Variants in CIB1 observed in about 807,000 individuals in gnomAD.
CIB1 encodes calcium and integrin-binding protein 1.
CIB1 carries 19 observed loss-of-function variants against 25.0 expected under a neutral mutation model. The ratio of observed to expected loss-of-function variants is 0.76; its 90% confidence interval spans 0.53 to 1.12. The LOEUF (loss-of-function observed/expected upper bound fraction) is 1.12, where lower values mean the gene tolerates loss of function less well. Among genes scored for constraint, CIB1 ranks in the 50% most tolerant of loss-of-function variants. The probability of loss-of-function intolerance (pLI) is 0.00; values close to 1 mark genes in which losing one functional copy is unlikely to be tolerated. For synonymous variants in CIB1, 104 were observed against 98.5 expected, an observed-to-expected ratio of 1.06 and a Z score of -0.33; for missense variants, 236 against 242.6, an observed-to-expected ratio of 0.97 and a Z score of 0.18.
the CIB1 span, chr15:90,251,521 C>A: frequency 6.2e-7 from 1 of 1,604,586 alleles, no homozygotes; most frequent in Non-Finnish European, 8.5e-7. Context: ...TTCCCTCCCA[C>A]TCTTCCTGAT....
chr15:90,263,190 C>T, the CIB1 span: 3 of 1,463,376 alleles, frequency 2.1e-6, no homozygotes, highest in Admixed American at 2.5e-5. Context: ...GGAACAAGGG[C>T]TGTCATTCCA....
the CIB1 span, chr15:90,258,389 G>T: frequency 3.4e-6 from 3 of 883,500 alleles, no homozygotes; most frequent in East Asian, 7.2e-5. Flanking sequence ...AAAGCCCTGG[G>T]GTGGGCAGGA....
chr15:90,241,626 C>G, the CIB1 span: 1 of 1,614,156 alleles, frequency 6.2e-7, no homozygotes, highest in Non-Finnish European at 8.5e-7. Context: ...GCCCCTGGAC[C>G]CTGGAGGCCA....
chr15:90,236,821 C>T (rs1443904343), upstream of CIB1, among the ~76,000 whole-genome samples: 1 of 152,056 alleles, frequency 6.6e-6, no homozygotes, highest in African/African-American at 2.4e-5. Context: ...CACGCCCGGC[C>T]TCTCATGGTA....
the CIB1 span, chr15:90,265,557 A>G: frequency 7.2e-7 from 1 of 1,385,468 alleles, no homozygotes; most frequent in Admixed American, 2.4e-5. Context: ...AGGGTGGGCC[A>G]CTGAGCAGCG....
At chr15:90,250,959 G>C in the CIB1 span, 1 of 1,539,962 alleles carries the variant, frequency 6.5e-7, no homozygotes, top group Non-Finnish European at 8.7e-7. Context: ...TCAACATCTG[G>C]AGGAGCTGGG....
the CIB1 span, among the ~76,000 whole-genome samples, chr15:90,251,114 CT>C: frequency 0.023 from 2,428 of 104,636 alleles, 121 homozygotes; most frequent in African/African-American, 0.079. Flanking sequence ...CCTGGTCTGT[CT>C]TTTTTTTTTT....
At chr15:90,256,635 TTCCTTC>T in the CIB1 span, among the ~76,000 whole-genome samples, 3 of 108,030 alleles carry the variant, frequency 2.8e-5, no homozygotes, top group South Asian at 2.4e-4. Flanking sequence ...CCTTCCTTCC[TTCCTTC>T]TTTCTTTCTC....
the CIB1 span, chr15:90,264,693 T>A: frequency 6.5e-7 from 1 of 1,533,662 alleles, no homozygotes; most frequent in South Asian, 1.2e-5. Context: ...GAATACCAAC[T>A]CAGGGACATC....
At chr15:90,258,891 G>C in the CIB1 span, 2 of 1,614,022 alleles carry the variant, frequency 1.2e-6, no homozygotes, top group African/African-American at 2.7e-5. Context: ...GTCAAGGAAC[G>C]GCTTTTCCAG....
the CIB1 span, among the ~76,000 whole-genome samples, chr15:90,247,848 C>A: frequency 6.6e-6 from 1 of 151,574 alleles, no homozygotes; most frequent in Non-Finnish European, 1.5e-5. Flanking sequence ...CCTGCCTCAG[C>A]CTTCCAAGTA....
At chr15:90,257,108 T>A in the CIB1 span, 10 of 1,601,476 alleles carry the variant, frequency 6.2e-6, no homozygotes, top group East Asian at 2.2e-4. Flanking sequence ...AAAAGTGTTA[T>A]TATTCCCTCA....
the CIB1 span, chr15:90,240,844 A>G: frequency 9.4e-7 from 1 of 1,063,208 alleles, no homozygotes; most frequent in African/African-American, 1.6e-5. Context: ...AAATACAATG[A>G]CAATCTCTGG....
chr15:90,257,545 T>C, the CIB1 span: 5 of 1,216,786 alleles, frequency 4.1e-6, no homozygotes, highest in Non-Finnish European at 5.9e-6. Context: ...CGAGAGATCC[T>C]CGGGAGGGGT....
At chr15:90,250,681 G>T in the CIB1 span, 2 of 1,614,092 alleles carry the variant, frequency 1.2e-6, no homozygotes, top group Non-Finnish European at 1.7e-6. Context: ...ACTATGTTGA[G>T]GAAAAGGAAT....
At chr15:90,234,069 G>A (rs941292292), upstream of CIB1, 3 of 655,330 alleles carry the variant, frequency 4.6e-6, no homozygotes, top group Non-Finnish European at 7.2e-6. Flanking sequence ...GCGAGCTGCC[G>A]GCTCCAAGCG....
the CIB1 span, among the ~76,000 whole-genome samples, chr15:90,246,735 C>A: frequency 8.0e-6 from 1 of 124,690 alleles, no homozygotes; most frequent in African/African-American, 3.0e-5. Flanking sequence ...GTGCAGTGAC[C>A]CGAGATTGAG....
chr15:90,256,573 CTTTCTTTCTTTCTTTCTTTCTTTCTTTCT>C, the CIB1 span, among the ~76,000 whole-genome samples: 19 of 56,358 alleles, frequency 3.4e-4, no homozygotes, highest in East Asian at 5.7e-3. Flanking sequence ...TTCTTTCTTT[CTTTCTTTCTTTCTTTCTTTCTTTCTTTCT>C]TTCTTTCCTT....
At chr15:90,256,414 GT>G in the CIB1 span, 1 of 1,294,678 alleles carries the variant, frequency 7.7e-7, no homozygotes, top group Middle Eastern at 2.6e-4. Flanking sequence ...CACTAGCCCC[GT>G]TTTCCTGGAG....
Sources: gnomAD v4.1 joint callset for allele counts (sites outside exome capture counted in the v4.1 genomes callset) on GRCh38, gnomAD v4.1.1 for gene constraint, MANE v1.5 for transcripts, NCBI Gene and HGNC (gene_info 2026-07-23, HGNC 2026-07-21) for gene names.